The following NAV2 variants were observed in gnomAD, a reference collection of about 807,000 sequenced individuals.
NAV2 encodes neuron navigator 2, also known as helicase, APC down-regulated 1.
A neutral mutation model predicts 223.2 loss-of-function variants in NAV2; 54 were observed. The ratio of observed to expected loss-of-function variants is 0.24; its 90% CI spans 0.19 to 0.30. The LOEUF (loss-of-function observed/expected upper bound fraction) is 0.30, where lower values mean the gene tolerates loss of function less well. Ranked by LOEUF, NAV2 falls within the 10% of genes least tolerant of loss-of-function variation. The pLI is 1.00. For missense variants in NAV2, 2,806 were observed against 3,147.5 expected (o/e 0.89, Z 2.60); for synonymous variants, 1,279 against 1,239.3 (o/e 1.03, Z -0.67).
chr11:20,093,909 G>A (rs1292306082), intron 29 of NAV2, among the ~76,000 whole-genome samples: 3 of 152,138 alleles, frequency 2.0e-5, no homozygotes, highest in African/African-American at 7.2e-5. Flanking sequence ...ATGTAAAAAG[G>A]CCTCATGAGT....
intron 1 of NAV2, among the ~76,000 whole-genome samples, chr11:19,668,382 A>G (rs2048480104): frequency 6.6e-6 from 1 of 151,848 alleles, no homozygotes; most frequent in Non-Finnish European, 1.5e-5. Flanking sequence ...AAAATACAAA[A>G]ATCAGCCAGG....
At chr11:19,741,963 A>G (rs2052873106) in intron 1 of NAV2, among the ~76,000 whole-genome samples, 1 of 151,984 alleles carries the variant, frequency 6.6e-6, no homozygotes, top group Non-Finnish European at 1.5e-5. Context: ...TCCCAAAAAC[A>G]GTGTTCAGGG....
At chr11:19,623,463 T>C (rs2047069288) in intron 1 of NAV2, among the ~76,000 whole-genome samples, 1 of 152,194 alleles carries the variant, frequency 6.6e-6, no homozygotes, top group African/African-American at 2.4e-5. Context: ...TTTGTTCCCT[T>C]CTTTTTACTC....
At chr11:19,810,165 T>A (rs905712539) in intron 1 of NAV2, among the ~76,000 whole-genome samples, 2 of 152,228 alleles carry the variant, frequency 1.3e-5, no homozygotes, top group Admixed American at 1.3e-4. Context: ...CTTTGACTTA[T>A]AATCCAATAC....
intron 1 of NAV2, among the ~76,000 whole-genome samples, chr11:19,545,036 C>A (rs942725025): frequency 6.6e-6 from 1 of 152,228 alleles, no homozygotes; most frequent in African/African-American, 2.4e-5. Flanking sequence ...GACAGCAAAG[C>A]AAATGTACAT....
In NAV2 at chr11:20,059,383, A is replaced by G. The variant is rs1313548049; in HGVS notation, c.4832-2924A>G. On this transcript the variant is annotated intron_variant, in intron 19 of 37. Coordinates refer to ENST00000349880, the MANE Select transcript of NAV2 (RefSeq NM_145117.5). ...AACTCCTGCCTAGTCTGGGATTGTT[A>G]CCTGCAGATTCTCTGTGATGAGGGT... 2.6e-5 allele frequency among the ~76,000 whole-genome samples: 4 copies of G among 152,264 alleles called. No individual in the cohort carries two copies. In the South Asian group the frequency reaches 8.3e-4, roughly 32 times the overall value.
At chr11:19,415,035 A>G (rs1850306282) in intron 1 of NAV2, among the ~76,000 whole-genome samples, 1 of 152,214 alleles carries the variant, frequency 6.6e-6, no homozygotes, top group African/African-American at 2.4e-5. Context: ...AATTAAAAGT[A>G]CTAGTGAAAC....
chr11:19,636,490 T>C (rs2047505580), intron 1 of NAV2, among the ~76,000 whole-genome samples: 1 of 121,568 alleles, frequency 8.2e-6, no homozygotes, highest in African/African-American at 3.5e-5. Context: ...TTCTGCAGTA[T>C]TTTTTTTTTT....
At chr11:19,724,142 A>G (rs2051025057) in intron 1 of NAV2, among the ~76,000 whole-genome samples, 1 of 152,194 alleles carries the variant, frequency 6.6e-6, no homozygotes, top group African/African-American at 2.4e-5. Context: ...ACAGATGAAG[A>G]AACCATGACC....
chr11:19,660,000 A>T (rs547280462), intron 1 of NAV2, among the ~76,000 whole-genome samples: 1 of 152,200 alleles, frequency 6.6e-6, no homozygotes, highest in Middle Eastern at 3.4e-3. Flanking sequence ...TAGTCTATTG[A>T]TCATTTCTCT....
chr11:20,016,248 G>A (rs1300303677), intron 11 of NAV2, among the ~76,000 whole-genome samples: 1 of 152,196 alleles, frequency 6.6e-6, no homozygotes, highest in East Asian at 1.9e-4. Flanking sequence ...TGGACTGAGG[G>A]TGGAAAGTCT....
intron 1 of NAV2, among the ~76,000 whole-genome samples, chr11:19,599,647 T>G (rs1451942588): frequency 6.6e-6 from 1 of 152,244 alleles, no homozygotes; most frequent in African/African-American, 2.4e-5. Context: ...GTTTATTTTA[T>G]GCTCACATCC....
At chr11:19,599,004 T>C (rs2046285134) in intron 1 of NAV2, among the ~76,000 whole-genome samples, 1 of 152,350 alleles carries the variant, frequency 6.6e-6, no homozygotes, top group Admixed American at 6.5e-5. Flanking sequence ...TCTTAGTGTT[T>C]GTGCAGTTTC....
chr11:19,951,225 A>G (rs1354232266), intron 10 of NAV2, among the ~76,000 whole-genome samples: 1 of 152,204 alleles, frequency 6.6e-6, no homozygotes, highest in African/African-American at 2.4e-5. Flanking sequence ...CAGAGGGCAG[A>G]AAAAGGTCAG....
intron 10 of NAV2, among the ~76,000 whole-genome samples, chr11:19,979,533 C>T (rs1265019952): frequency 6.6e-6 from 1 of 152,228 alleles, no homozygotes; most frequent in African/African-American, 2.4e-5. Flanking sequence ...GGCTGGCAAA[C>T]TCCTCCGCAC....
At chr11:20,096,507 T>A (rs1352328293) in intron 30 of NAV2, among the ~76,000 whole-genome samples, 1 of 152,210 alleles carries the variant, frequency 6.6e-6, no homozygotes, top group Non-Finnish European at 1.5e-5. Context: ...AAGCCCCTTA[T>A]ATTATCCCAT....
At chr11:19,876,119 G>A (rs989981756) in intron 4 of NAV2, among the ~76,000 whole-genome samples, 3 of 152,064 alleles carry the variant, frequency 2.0e-5, no homozygotes, top group East Asian at 1.9e-4. Context: ...TCCATCTCCC[G>A]GGTTCAAGCG....
At chr11:20,053,068 A>C (rs1301866188) in intron 17 of NAV2, among the ~76,000 whole-genome samples, 1 of 151,880 alleles carries the variant, frequency 6.6e-6, no homozygotes, top group Admixed American at 6.6e-5. Context: ...AATACAAAAA[A>C]TTAGCTGGGC....
chr11:19,821,298 C>T (rs972737501), intron 1 of NAV2, among the ~76,000 whole-genome samples: 8 of 151,180 alleles, frequency 5.3e-5, no homozygotes, highest in African/African-American at 1.9e-4. Flanking sequence ...AGCTCGTAGG[C>T]ACTGAATGTG....
Sources: gnomAD v4.1 joint callset for allele counts (sites outside exome capture counted in the v4.1 genomes callset) on GRCh38, gnomAD v4.1.1 for gene constraint, MANE v1.5 for transcripts, NCBI Gene and HGNC (gene_info 2026-07-23, HGNC 2026-07-21) for gene names.